Variants in PCDHGB1 observed in about 807,000 individuals in gnomAD.
PCDHGB1 encodes the protein protocadherin gamma-B1.
PCDHGB1 carries 34 observed loss-of-function variants against 56.6 expected under a neutral mutation model. The observed-to-expected ratio is 0.60, with a 90% confidence interval of 0.46 to 0.80. The LOEUF (loss-of-function observed/expected upper bound fraction) is 0.80, where lower values mean the gene tolerates loss of function less well. Among genes scored for constraint, PCDHGB1 ranks in the 30% least tolerant of loss-of-function variants. PCDHGB1 has a pLI of 0.00. For synonymous variants in PCDHGB1, 561 were observed against 505.9 expected, an observed-to-expected ratio of 1.11 and a Z score of -1.46; for missense variants, 1,278 against 1,204.6, an observed-to-expected ratio of 1.06 and a Z score of -0.90.
intron 1 of PCDHGB1, chr5:141,433,257 G>T: frequency 7.2e-7 from 1 of 1,385,416 alleles, no homozygotes; most frequent in Non-Finnish European, 9.9e-7. Context: ...GCAGCGGTAC[G>T]ATCATAGCTC....
intron 1 of PCDHGB1, chr5:141,389,226 C>G: frequency 6.2e-7 from 1 of 1,614,064 alleles, no homozygotes; most frequent in Non-Finnish European, 8.5e-7. Context: ...TGACAACGCT[C>G]CGGTTTTCTC....
At chr5:141,383,599 G>T in intron 1 of PCDHGB1, 2 of 1,613,742 alleles carry the variant, frequency 1.2e-6, no homozygotes, top group Non-Finnish European at 8.5e-7. Flanking sequence ...GACAGTGGTG[G>T]ATGTGAATGA....
Position 141,362,113 on chromosome 5 carries a change from C to T in PCDHGB1, c.2409+9444C>T, listed in dbSNP as rs769104675. ...GCCGCCACTCTCCGCTACGGCCACG[C>T]TGCACCTAATCTTCGCGGATAGCCT... On this transcript the variant is annotated intron_variant, in intron 1 of 3. Coordinates refer to ENST00000523390, the MANE Select transcript of PCDHGB1 (RefSeq NM_018922.3). 2.5e-6 allele frequency: 4 copies of T among 1,614,018 alleles called. No individual in the cohort carries two copies. In the Admixed American group the frequency reaches 6.7e-5, roughly 27 times the overall value.
chr5:141,505,284 G>A, intron 2 of PCDHGB1, 109 bp from the exon 3 acceptor site: 1 of 1,548,402 alleles, frequency 6.5e-7, no homozygotes. Flanking sequence ...CAGGTCTTGG[G>A]CATGGGGTAG....
rs1443411888 is a variant in PCDHGB1, at chr5:141,374,687, C to T, written c.2409+22018C>T. 3.7e-6 allele frequency: 6 copies of T among 1,609,326 alleles called. No individual in the cohort carries two copies. In the East Asian group the frequency reaches 6.7e-5, roughly 18 times the overall value. ...GCTGGTGCTGGAGGGCACACTGGAC[C>T]GGGAAGGAGAAGCCGTTTACCGCCT... is the stretch of plus-strand genomic sequence containing the variant. On this transcript the variant is annotated intron_variant, in intron 1 of 3. Transcript: ENST00000523390.
At chr5:141,494,708 C>T (rs1481947557) in intron 1 of PCDHGB1, 99 bp from the exon 2 acceptor site, 2 of 1,599,566 alleles carry the variant, frequency 1.3e-6, no homozygotes, top group Non-Finnish European at 1.7e-6. Flanking sequence ...CTTCTCTGTG[C>T]CCACTCCCCT....
chr5:141,418,058 C>A (rs2096216434), intron 1 of PCDHGB1: 1 of 1,613,872 alleles, frequency 6.2e-7, no homozygotes, highest in Non-Finnish European at 8.5e-7. Flanking sequence ...TCGCGAGCTG[C>A]GAGTGAGCGC....
At chr5:141,422,758 A>C (rs1237677806) in intron 1 of PCDHGB1, 3 of 1,613,032 alleles carry the variant, frequency 1.9e-6, no homozygotes, top group Non-Finnish European at 2.5e-6. Flanking sequence ...TATTAACTCC[A>C]ACACTGGTGT....
chr5:141,453,997 A>C (rs1332821058), intron 1 of PCDHGB1, among the ~76,000 whole-genome samples: 2 of 152,242 alleles, frequency 1.3e-5, no homozygotes, highest in Non-Finnish European at 2.9e-5. Context: ...TGATAAACCC[A>C]CATAACATTT....
In PCDHGB1 at chr5:141,350,118, T is replaced by G. The variant is rs1022914311; in HGVS notation, c.-143T>G. ...CAGGGTGCCTTCCTGCTTTGTCCGGTGCACTGAGCACAGACGCTGCTCCTG... is the reference window on the plus strand; with the variant it reads ...CAGGGTGCCTTCCTGCTTTGTCCGGGGCACTGAGCACAGACGCTGCTCCTG... On this transcript the variant is annotated 5_prime_UTR_variant, in exon 1 of 4. Transcript: ENST00000523390. The G allele has an allele frequency of 1.0e-5, 6 of 585,650 alleles. No homozygotes were observed. The highest frequency in any genetic ancestry group is 9.5e-5 in the African/African-American group (5 of 52,524). The allele number at this position is 585,650 out of a possible 1,614,324, so 36.3% of individuals were successfully genotyped here.
chr5:141,418,157 A>G, intron 1 of PCDHGB1: 1 of 1,614,074 alleles, frequency 6.2e-7, no homozygotes, highest in Non-Finnish European at 8.5e-7. Context: ...CAAAGAGAGA[A>G]GAAGATGTGA....
chr5:141,413,157 A>T, intron 1 of PCDHGB1: 2 of 1,578,898 alleles, frequency 1.3e-6, no homozygotes, highest in Non-Finnish European at 1.7e-6. Flanking sequence ...ACTTTGCAGA[A>T]TTCTGTAACC....
At chr5:141,459,703 T>G (rs2098973426) in intron 1 of PCDHGB1, among the ~76,000 whole-genome samples, 1 of 152,226 alleles carries the variant, frequency 6.6e-6, no homozygotes, top group African/African-American at 2.4e-5. Context: ...CTTGCTACAT[T>G]TTCTCACCAA....
rs754935227 is a variant in PCDHGB1 at position 141,395,069 on chromosome 5, C to G, written c.2409+42400C>G. The G allele has an allele frequency of 3.7e-6, 6 of 1,614,006 alleles. No homozygotes were observed. In the African/African-American group the frequency reaches 8.0e-5, roughly 22 times the overall value. ...AGGAGGTACAGGCTTTCCTGCAGAC[C>G]TATTCCCAGGAAGTCTCCCTCACCG... On this transcript the variant is annotated intron_variant, in intron 1 of 3. Transcript: ENST00000523390.
chr5:141,405,376 G>A lies in PCDHGB1; in HGVS notation c.2409+52707G>A, dbSNP rs567557596. On this transcript the variant is annotated intron_variant, in intron 1 of 3. Coordinates refer to ENST00000523390, the MANE Select transcript of PCDHGB1 (RefSeq NM_018922.3). The stretch of plus-strand genomic sequence containing the variant: ...CTATAGAAGACACCCCTTTGGTTCC[G>A]GTGAGTTCATTTTTTTTCTTTCTTT... The A allele has an allele frequency of 4.3e-4, 696 of 1,602,156 alleles. 3 individuals carry two copies. In the South Asian group the frequency reaches 6.8e-3, roughly 16 times the overall value.
At position 141,374,383 on chromosome 5, in the gene PCDHGB1, G is replaced by A. The variant is rs192911480; in HGVS notation, c.2409+21714G>A. On this transcript the variant is annotated intron_variant, in intron 1 of 3. Transcript: ENST00000523390. ...GCGAGGAGCTCTGTGCTCAGAGCCC[G>A]CGGTGTCTGGTGAGTTTTAACATCC... is the stretch of plus-strand genomic sequence containing the variant. 3.7e-6 allele frequency: 6 copies of A among 1,614,036 alleles called. No homozygotes were observed. In the African/African-American group the frequency reaches 8.0e-5, roughly 22 times the overall value.
rs373553221 is a variant in PCDHGB1, at chr5:141,361,821, G to A, written c.2409+9152G>A. The A allele has an allele frequency of 7.4e-6, 12 of 1,613,026 alleles. No individual in the cohort carries two copies. The African/African-American group carries it at 1.6e-4, about 21-fold the overall frequency. On this transcript the variant is annotated intron_variant, in intron 1 of 3. Transcript: ENST00000523390. ...ACCTCAATGACAATGCGCCACGGGT[G>A]CTGTACCCCGCGCTGGGGCCTGATG...
At position 141,476,209 on chromosome 5, in the gene PCDHGB1, G is replaced by A. The variant is rs749576231; in HGVS notation, c.2410-18598G>A. ...TTGGTGCCTTGAACAAGGCTTCCAC[G>A]GTCATTCACTATGAGATCCCGGAGG... On this transcript the variant is annotated intron_variant, in intron 1 of 3. Coordinates refer to ENST00000523390, the MANE Select transcript of PCDHGB1 (RefSeq NM_018922.3). The surrounding 1 kb of genome is among the most constrained non-coding windows in gnomAD (Gnocchi z 7.6). The A allele has an allele frequency of 3.1e-6, 5 of 1,613,974 alleles. No individual in the cohort carries two copies. Among genetic ancestry groups the A allele is most frequent in the Admixed American group, 1.7e-5 (1 of 60,014 alleles).
intron 1 of PCDHGB1, chr5:141,423,360 G>T (rs762976655): frequency 1.2e-6 from 2 of 1,614,224 alleles, no homozygotes; most frequent in South Asian, 2.2e-5. Context: ...TTGTCATCGT[G>T]CTGCTGGCAC....
Sources: allele counts gnomAD v4.1 joint callset (sites outside exome capture counted in the v4.1 genomes callset), GRCh38; gene constraint gnomAD v4.1.1; non-coding constraint Gnocchi (gnomAD v3.1); transcripts MANE v1.5; gene names NCBI Gene and HGNC (gene_info 2026-07-23, HGNC 2026-07-21).